Variants in ACO1 observed in about 807,000 individuals in gnomAD.
ACO1 encodes cytoplasmic aconitate hydratase.
A neutral mutation model predicts 105.1 loss-of-function variants in ACO1; 78 were observed. The observed-to-expected ratio is 0.74, with a 90% CI of 0.62 to 0.90. The LOEUF is 0.90. ACO1 is among the 40% of genes least tolerant of loss of function. The probability of loss-of-function intolerance (pLI) is 0.00; values close to 1 mark genes in which losing one functional copy is unlikely to be tolerated. For synonymous variants in ACO1, 364 were observed against 397.4 expected (o/e 0.92, Z 1.00); for missense variants, 965 against 1,111.1 (o/e 0.87, Z 1.87).
At chr9:32,434,728 T>A (rs1237907578) in intron 17 of ACO1, 27 bp downstream of exon 17, 2 of 1,610,258 alleles carry the variant, frequency 1.2e-6, no homozygotes, top group South Asian at 1.1e-5. Context: ...CAGGAAGGAC[T>A]AAAGGCAAAA....
chr9:32,430,634 AG>A, intron 14 of ACO1, 60 bp downstream of exon 14: 1 of 1,520,282 alleles, frequency 6.6e-7, no homozygotes, highest in Non-Finnish European at 8.9e-7. Context: ...TATTACTAGA[AG>A]AAACTGCTTT....
At chr9:32,426,466 T>C (rs1822100170) in intron 11 of ACO1, among the ~76,000 whole-genome samples, 1 of 152,188 alleles carries the variant, frequency 6.6e-6, no homozygotes, top group Non-Finnish European at 1.5e-5. Context: ...GTTGTTAATA[T>C]TTACATATGT....
chr9:32,442,517 A>C (rs1822504628), intron 19 of ACO1, among the ~76,000 whole-genome samples: 1 of 152,120 alleles, frequency 6.6e-6, no homozygotes, highest in Non-Finnish European at 1.5e-5. Flanking sequence ...GTATATTGCC[A>C]ATTATAGATT....
At chr9:32,445,189 A>G (rs538466452) in intron 19 of ACO1, among the ~76,000 whole-genome samples, 1 of 152,324 alleles carries the variant, frequency 6.6e-6, no homozygotes, top group South Asian at 2.1e-4. Context: ...AAGGAATGGT[A>G]CCAGCTCCTC....
intron 19 of ACO1, among the ~76,000 whole-genome samples, chr9:32,444,680 CCTTCT>C (rs1416212795): frequency 6.6e-6 from 1 of 152,116 alleles, no homozygotes; most frequent in African/African-American, 2.4e-5. Flanking sequence ...GAGAGGGCAT[CCTTCT>C]CTTGTGCCGG....
intron 19 of ACO1, 83 bp from the exon 20 acceptor site, chr9:32,448,813 G>C: frequency 6.8e-7 from 1 of 1,477,982 alleles, no homozygotes; most frequent in Non-Finnish European, 9.4e-7. Flanking sequence ...CATCATGCCA[G>C]CTCTCTCACA....
At chr9:32,385,022 CT>C (rs917790043) in intron 1 of ACO1, among the ~76,000 whole-genome samples, 12 of 152,334 alleles carry the variant, frequency 7.9e-5, no homozygotes, top group African/African-American at 2.9e-4. Flanking sequence ...CCTGAAAGTC[CT>C]TGCCTAGGGT....
intron 19 of ACO1, among the ~76,000 whole-genome samples, chr9:32,447,823 C>T (rs1017112717): frequency 1.3e-5 from 2 of 152,204 alleles, no homozygotes; most frequent in Non-Finnish European, 2.9e-5. Flanking sequence ...CAAGCAGACT[C>T]CTCTGCTGCA....
At chr9:32,428,689 A>AG (rs1822155420) in intron 12 of ACO1, among the ~76,000 whole-genome samples, 1 of 151,922 alleles carries the variant, frequency 6.6e-6, no homozygotes, top group Non-Finnish European at 1.5e-5. Context: ...ATACAAAAAA[A>AG]CAAAATTAGC....
At chr9:32,389,225 G>A (rs185380059) in intron 1 of ACO1, among the ~76,000 whole-genome samples, 35 of 152,194 alleles carry the variant, frequency 2.3e-4, no homozygotes, top group Non-Finnish European at 3.8e-4. Flanking sequence ...ATATATGTAC[G>A]AGTGTGCCCC....
In ACO1 at chr9:32,440,477, G is replaced by A; in HGVS notation, c.2260G>A (p.Asp754Asn). The stretch of plus-strand genomic sequence containing the variant: ...TTCTCTTCCTCAGCTTGATGTGTTT[G>A]ATGCTGCTGAGCGGTACCAGCAGGC... Reference protein sequence around the residue: ...LPSGEILDVFDAAERYQQAGL... With the variant: ...LPSGEILDVFNAAERYQQAGL... The change falls in exon 19 of 21, where the codon GAT becomes AAT. Residue 754 changes from aspartate to asparagine, a missense_variant. Coordinates refer to ENST00000309951, the MANE Select transcript of ACO1 (RefSeq NM_002197.3). 6.2e-7 allele frequency: 1 copy of A among 1,613,874 alleles called. No homozygotes were observed. The highest frequency in any genetic ancestry group is 2.2e-5 in the East Asian group (1 of 44,854).
In ACO1 at chr9:32,449,994, A is replaced by ACAGCTGGATACTGGCAAGACCTT; in HGVS notation, c.2557-2_2577dup. ...AATGATGCTTCTGTTTCTTTGTGCC[A>ACAGCTGGATACTGGCAAGACCTT]CAGCTGGATACTGGCAAGACCTTCC... On this transcript the variant is annotated splice_region_variant and splice_polypyrimidine_tract_variant and intron_variant, in intron 20 of 20. Coordinates refer to ENST00000309951, the MANE Select transcript of ACO1 (RefSeq NM_002197.3). 1 of 1,612,476 alleles carries ACAGCTGGATACTGGCAAGACCTT rather than the reference A, an allele frequency of 6.2e-7. No individual in the cohort carries two copies.
chr9:32,407,478 C>A (rs764620829), intron 3 of ACO1, 49 bp downstream of exon 3: 15 of 1,553,028 alleles, frequency 9.7e-6, no homozygotes, highest in Non-Finnish European at 1.3e-5. Flanking sequence ...ATTAGCCTTT[C>A]AAGAAAGTTT....
At chr9:32,408,416 T>C (rs910843737) in intron 3 of ACO1, 98 bp from the exon 4 acceptor site, 10 of 1,386,382 alleles carry the variant, frequency 7.2e-6, no homozygotes, top group African/African-American at 1.4e-5. Flanking sequence ...TCTGATGAGG[T>C]AGGGCCTTGT....
At chr9:32,420,614 A>G (rs1161148828) in intron 7 of ACO1, among the ~76,000 whole-genome samples, 1 of 152,224 alleles carries the variant, frequency 6.6e-6, no homozygotes, top group African/African-American at 2.4e-5. Context: ...ACTCTTAACT[A>G]CAGACTTTAC....
intron 16 of ACO1, 29 bp downstream of exon 16, chr9:32,433,861 A>C (rs766823211): frequency 3.0e-5 from 45 of 1,511,016 alleles, no homozygotes; most frequent in Non-Finnish European, 3.8e-5. Context: ...TAACAAAATG[A>C]ATTCTTTGAA....
chr9:32,450,333 T>C lies in ACO1; in HGVS notation c.*222T>C, dbSNP rs1443120487. 1.6e-6 allele frequency: 1 copy of C among 623,006 alleles called. No individual in the cohort carries two copies. Among genetic ancestry groups the C allele is most frequent in the African/African-American group, 1.8e-5 (1 of 54,858 alleles). The allele number at this position is 623,006 out of a possible 1,614,324, so 38.6% of individuals were successfully genotyped here. Reference sequence around the variant, plus strand: ...TTCTCTTTTTCCAGAATTTGGAAGCTAGAATGGTGGGAATGTCAGTAGTGC... The same window carrying C: ...TTCTCTTTTTCCAGAATTTGGAAGCCAGAATGGTGGGAATGTCAGTAGTGC... On this transcript the variant is annotated 3_prime_UTR_variant, in exon 21 of 21. Coordinates refer to ENST00000309951, the MANE Select transcript of ACO1 (RefSeq NM_002197.3).
chr9:32,431,636 C>T lies in ACO1; in HGVS notation c.1727-83C>T, dbSNP rs1007115388. ...CACGGGCTTTATAGAACATAACTAC[C>T]GAGGAGAACGAGGCTTGACTCTGTA... On this transcript the variant is annotated intron_variant, in intron 14 of 20. Coordinates refer to ENST00000309951, the MANE Select transcript of ACO1 (RefSeq NM_002197.3). The T allele has an allele frequency of 5.9e-5, 86 of 1,465,518 alleles. No individual in the cohort carries two copies. In the African/African-American group the frequency reaches 6.6e-4, roughly 11 times the overall value. 90.8% of individuals were successfully genotyped at this position (1,465,518 alleles called of 1,614,324 possible). A position where few individuals can be genotyped will look rare whatever the true frequency, so the allele number is the denominator to read the frequency against.
At chr9:32,401,413 A>G (rs1465898660) in intron 1 of ACO1, among the ~76,000 whole-genome samples, 1 of 149,118 alleles carries the variant, frequency 6.7e-6, no homozygotes, top group East Asian at 2.0e-4. Context: ...TGGTTATCCC[A>G]CTAATGAGTC....
Sources: gnomAD v4.1 joint callset for allele counts (sites outside exome capture counted in the v4.1 genomes callset) on GRCh38, gnomAD v4.1.1 for gene constraint, MANE v1.5 for transcripts, NCBI Gene and HGNC (gene_info 2026-07-23, HGNC 2026-07-21) for gene names.